WDR27: variants seen among roughly 807,000 people sequenced by gnomAD.
WDR27 encodes WD repeat domain 27.
Under a neutral mutation model 114.4 loss-of-function variants are expected in WDR27, and 100 were observed. That is an observed-to-expected ratio of 0.87 (90% CI 0.74 to 1.03). The LOEUF (loss-of-function observed/expected upper bound fraction) is 1.03. WDR27 is among the 50% of genes least tolerant of loss of function. The pLI, the probability that WDR27 is intolerant of heterozygous loss-of-function variation, is 0.00. For synonymous variants in WDR27, 449 were observed against 423.1 expected (o/e 1.06, Z -0.75); for missense variants, 1,129 against 1,092.9 (o/e 1.03, Z -0.47).
intron 21 of WDR27, among the ~76,000 whole-genome samples, chr6:169,616,996 G>T (rs768725570): frequency 6.6e-6 from 1 of 152,132 alleles, no homozygotes; most frequent in African/African-American, 2.4e-5. Flanking sequence ...GAAAAATCAA[G>T]CAACAGGGAG....
chr6:169,617,011 G>A lies in WDR27; in HGVS notation c.2224-3355C>T, dbSNP rs147263102. On this transcript the variant is annotated intron_variant, in intron 21 of 25. Coordinates refer to ENST00000448612, the MANE Select transcript of WDR27 (RefSeq NM_182552.5). ...GAAAAATCAAGCAACAGGGAGATAT[G>A]GGGTTTGACACCATGTGTAAGAGGC... Among the ~76,000 whole-genome samples, 9 of 152,182 alleles carry A rather than the reference G, an allele frequency of 5.9e-5. No individual in the cohort carries two copies. The East Asian group carries it at 1.7e-3, about 29-fold the overall frequency.
chr6:169,683,542 C>A (rs1017778650), intron 2 of WDR27, among the ~76,000 whole-genome samples: 2 of 151,088 alleles, frequency 1.3e-5, no homozygotes, highest in African/African-American at 2.4e-5. Flanking sequence ...AAAAAAAAAA[C>A]AAGGCAATAA....
At chr6:169,627,743 G>A (rs541769332) in intron 21 of WDR27, among the ~76,000 whole-genome samples, 1 of 152,264 alleles carries the variant, frequency 6.6e-6, no homozygotes, top group East Asian at 1.9e-4. Context: ...GAGATAACCT[G>A]ACATTTAGAT....
chr6:169,480,235 C>T (rs1787786019), intron 25 of WDR27, among the ~76,000 whole-genome samples: 1 of 152,224 alleles, frequency 6.6e-6, no homozygotes, highest in Non-Finnish European at 1.5e-5. Context: ...CCTGCCCGTG[C>T]CATGCTCGAA....
intron 16 of WDR27, among the ~76,000 whole-genome samples, chr6:169,645,422 A>G (rs1200483882): frequency 6.6e-6 from 1 of 151,110 alleles, no homozygotes; most frequent in Non-Finnish European, 1.5e-5. Context: ...CACAGGAGTC[A>G]CACTACAGAA....
chr6:169,569,155 T>C (rs566262187), intron 25 of WDR27, among the ~76,000 whole-genome samples: 1 of 152,376 alleles, frequency 6.6e-6, no homozygotes, highest in African/African-American at 2.4e-5. Flanking sequence ...TACTGCAGCA[T>C]GAGTTTCTGA....
At chr6:169,505,346 C>T (rs781431296) in intron 25 of WDR27, among the ~76,000 whole-genome samples, 6 of 152,152 alleles carry the variant, frequency 3.9e-5, no homozygotes, top group Non-Finnish European at 7.4e-5. Context: ...AGCCATCAAT[C>T]TTAACCTATG....
intron 17 of WDR27, among the ~76,000 whole-genome samples, chr6:169,639,707 C>T (rs1022530860): frequency 3.2e-4 from 49 of 152,214 alleles, no homozygotes; most frequent in African/African-American, 1.2e-3. Context: ...CTGTCCACTC[C>T]CCACCTCATC....
chr6:169,700,824 T>C lies in WDR27; in HGVS notation c.-8+727A>G, dbSNP rs962126053. Reference sequence around the variant, plus strand: ...ACAATGCAGAAATAATAAAGTTTTTTATCCCTACCTCCTCTCCCTGCTGTG... The same window carrying C: ...ACAATGCAGAAATAATAAAGTTTTTCATCCCTACCTCCTCTCCCTGCTGTG... On this transcript the variant is annotated intron_variant, in intron 1 of 25. Transcript: ENST00000448612. Among the ~76,000 whole-genome samples, 5 of 152,238 alleles carry C rather than the reference T, an allele frequency of 3.3e-5. No individual in the cohort carries two copies. In the East Asian group the frequency reaches 7.7e-4, roughly 23 times the overall value.
chr6:169,593,288 T>C (rs1489379138), intron 23 of WDR27, among the ~76,000 whole-genome samples: 1 of 152,186 alleles, frequency 6.6e-6, no homozygotes, highest in East Asian at 1.9e-4. Flanking sequence ...TTAGGAAACG[T>C]TCTCTATTTC....
chr6:169,437,932 G>A, the WDR27 span, among the ~76,000 whole-genome samples: 179 of 152,004 alleles, frequency 1.2e-3, no homozygotes, highest in Non-Finnish European at 1.5e-3. Context: ...TAGATTCAGC[G>A]GGTATATGTT....
intron 6 of WDR27, chr6:169,666,694 C>T: frequency 1.0e-6 from 1 of 987,210 alleles, no homozygotes; most frequent in African/African-American, 1.7e-5. Flanking sequence ...CGCAAGGACC[C>T]TGGCATTCAC....
intron 25 of WDR27, among the ~76,000 whole-genome samples, chr6:169,492,008 GGACA>G (rs1261873121): frequency 4.6e-5 from 7 of 151,914 alleles, no homozygotes; most frequent in South Asian, 2.1e-4. Context: ...AATGCTAAGA[GGACA>G]GACAACCAAA....
At chr6:169,619,185 T>C (rs1426975692) in intron 21 of WDR27, among the ~76,000 whole-genome samples, 1 of 152,218 alleles carries the variant, frequency 6.6e-6, no homozygotes, top group Non-Finnish European at 1.5e-5. Flanking sequence ...GCAAAGACAC[T>C]AAACCTCTTA....
intron 21 of WDR27, among the ~76,000 whole-genome samples, chr6:169,624,970 C>T (rs1330171935): frequency 6.6e-6 from 1 of 152,228 alleles, no homozygotes; most frequent in Non-Finnish European, 1.5e-5. Flanking sequence ...ACCCTCGGGG[C>T]CCGGCCCATC....
chr6:169,694,168 C>T (rs901019326), intron 1 of WDR27, among the ~76,000 whole-genome samples: 13 of 152,002 alleles, frequency 8.6e-5, no homozygotes, highest in Non-Finnish European at 1.8e-4. Context: ...ATTAGCCGGG[C>T]GTGGTGGCAG....
At chr6:169,589,965 G>GAAGC (rs1195520805) in intron 23 of WDR27, among the ~76,000 whole-genome samples, 6 of 2,366 alleles carry the variant, frequency 2.5e-3, no homozygotes, top group African/African-American at 4.9e-3. Context: ...CAAATCAAGG[G>GAAGC]AAGCAATATT....
intron 25 of WDR27, among the ~76,000 whole-genome samples, chr6:169,552,976 GTGTGTGTGTGTGTGT>G (rs1798367067): frequency 4.0e-5 from 2 of 50,506 alleles, no homozygotes; most frequent in East Asian, 5.1e-4. Flanking sequence ...CCTGCCCGGT[GTGTGTGTGTGTGTGT>G]GTGTGTGTGT....
the WDR27 span, among the ~76,000 whole-genome samples, chr6:169,446,989 C>A: frequency 6.6e-6 from 1 of 152,176 alleles, no homozygotes; most frequent in African/African-American, 2.4e-5. Flanking sequence ...TCATTCTATA[C>A]ATCTTTTTTT....
Sources: gnomAD v4.1 joint callset for allele counts (sites outside exome capture counted in the v4.1 genomes callset) on GRCh38, gnomAD v4.1.1 for gene constraint, MANE v1.5 for transcripts, NCBI Gene and HGNC (gene_info 2026-07-23, HGNC 2026-07-21) for gene names.